The following FMNL2 variants were observed in gnomAD, a reference collection of about 807,000 sequenced individuals.
FMNL2 encodes formin like 2.
FMNL2 carries 51 observed loss-of-function variants against 130.2 expected under a neutral mutation model. That is an observed-to-expected ratio of 0.39 (90% CI 0.31 to 0.49). The LOEUF (loss-of-function observed/expected upper bound fraction) is 0.49, where lower values mean the gene tolerates loss of function less well. Ranked by LOEUF, FMNL2 falls within the 20% of genes least tolerant of loss-of-function variation. The probability of loss-of-function intolerance (pLI) is 0.85; values close to 1 mark genes in which losing one functional copy is unlikely to be tolerated. For missense variants in FMNL2, 977 were observed against 1,316.2 expected (o/e 0.74, Z 3.99); for synonymous variants, 465 against 467.1 (o/e 1.00, Z 0.06).
At chr2:152,558,512 A>C (rs1219173186) in intron 4 of FMNL2, among the ~76,000 whole-genome samples, 1 of 152,188 alleles carries the variant, frequency 6.6e-6, no homozygotes, top group East Asian at 1.9e-4. Context: ...AAGATGGCCC[A>C]CGTGTACTTT....
chr2:152,595,073 G>A (rs1697687022), intron 9 of FMNL2, among the ~76,000 whole-genome samples: 1 of 152,010 alleles, frequency 6.6e-6, no homozygotes, highest in Admixed American at 6.6e-5. Flanking sequence ...TTTTGGCAGT[G>A]GAAAATAAGG....
chr2:152,519,080 G>T (rs1350297691), intron 1 of FMNL2, among the ~76,000 whole-genome samples: 5 of 152,024 alleles, frequency 3.3e-5, no homozygotes, highest in African/African-American at 1.2e-4. Flanking sequence ...GCTAATTCCT[G>T]CCTTTGAGGC....
At chr2:152,587,889 C>T (rs1025998619) in intron 9 of FMNL2, among the ~76,000 whole-genome samples, 6 of 152,174 alleles carry the variant, frequency 3.9e-5, no homozygotes, top group African/African-American at 1.2e-4. Context: ...ATAAATACTT[C>T]GACAGTTGTA....
At chr2:152,375,894 T>TATAC (rs1553872003) in intron 1 of FMNL2, among the ~76,000 whole-genome samples, 9 of 146,112 alleles carry the variant, frequency 6.2e-5, no homozygotes, top group Non-Finnish European at 1.2e-4. Flanking sequence ...TATATATATA[T>TATAC]ATAATTATTA....
intron 21 of FMNL2, 32 bp from the exon 22 acceptor site, chr2:152,636,395 A>T: frequency 1.3e-6 from 2 of 1,590,884 alleles, no homozygotes; most frequent in Non-Finnish European, 1.7e-6. Context: ...TTCCCCATTG[A>T]GTTTCACTGG....
intron 25 of FMNL2, among the ~76,000 whole-genome samples, chr2:152,644,366 A>C (rs747581203): frequency 6.6e-6 from 1 of 152,190 alleles, no homozygotes; most frequent in Non-Finnish European, 1.5e-5. Flanking sequence ...GAAGTGCTCT[A>C]AAGTGCAAAA....
chr2:152,527,711 T>C (rs1225458759), intron 2 of FMNL2, among the ~76,000 whole-genome samples: 3 of 152,156 alleles, frequency 2.0e-5, no homozygotes, highest in Admixed American at 2.0e-4. Flanking sequence ...CAATGTGATA[T>C]TATTTTTGAG....
At chr2:152,395,619 T>C (rs757416162) in intron 1 of FMNL2, among the ~76,000 whole-genome samples, 1 of 152,230 alleles carries the variant, frequency 6.6e-6, no homozygotes, top group Non-Finnish European at 1.5e-5. Flanking sequence ...CTTAGAATTT[T>C]TGTTCAACTT....
At chr2:152,621,706 AT>A (rs1348728022) in intron 15 of FMNL2, among the ~76,000 whole-genome samples, 3 of 152,176 alleles carry the variant, frequency 2.0e-5, no homozygotes, top group Non-Finnish European at 4.4e-5. Context: ...TTTCTTTATT[AT>A]TCATCCTTAT....
At chr2:152,596,405 A>G (rs73010180) in intron 9 of FMNL2, among the ~76,000 whole-genome samples, 3,020 of 152,262 alleles carry the variant, frequency 0.02, 97 homozygotes, top group African/African-American at 0.069. Flanking sequence ...TTCCCAAACA[A>G]TCTTGCAAGG....
chr2:152,390,635 G>T (rs1390582599), intron 1 of FMNL2: 1 of 930,816 alleles, frequency 1.1e-6, no homozygotes, highest in Non-Finnish European at 1.8e-6. Context: ...AATTCAACTA[G>T]CCCGTGCTTT....
At chr2:152,607,440 C>G (rs747462149) in intron 10 of FMNL2, 27 bp downstream of exon 10, 2 of 1,504,032 alleles carry the variant, frequency 1.3e-6, no homozygotes, top group African/African-American at 2.8e-5. Context: ...TTCAATAAAG[C>G]AAACTCAGTT....
intron 1 of FMNL2, among the ~76,000 whole-genome samples, chr2:152,402,368 T>C (rs763655497): frequency 6.6e-6 from 1 of 152,192 alleles, no homozygotes; most frequent in Non-Finnish European, 1.5e-5. Context: ...CCTGCTGTTT[T>C]TGGGGAGCGG....
Position 152,578,967 on chromosome 2 carries a change from A to G in FMNL2, c.782+3A>G. 6.2e-7 allele frequency: 1 copy of G among 1,612,228 alleles called. No individual in the cohort carries two copies. Among genetic ancestry groups the G allele is most frequent in the Non-Finnish European group, 8.5e-7 (1 of 1,178,728 alleles). On this transcript the variant is annotated splice_donor_region_variant and intron_variant, in intron 8 of 25. Coordinates refer to ENST00000288670, the MANE Select transcript of FMNL2 (RefSeq NM_052905.4). Reference sequence around the variant, plus strand: ...AGCCTGAACAACAAGAATCCCAGGTAAGCTGCTTTTGTAGTACGCAAGTCT... The same window carrying G: ...AGCCTGAACAACAAGAATCCCAGGTGAGCTGCTTTTGTAGTACGCAAGTCT...
chr2:152,366,034 A>G (rs1041814154), intron 1 of FMNL2, among the ~76,000 whole-genome samples: 1 of 152,262 alleles, frequency 6.6e-6, no homozygotes, highest in East Asian at 1.9e-4. Flanking sequence ...TTCAGAAGTC[A>G]TGGATCCCAG....
intron 25 of FMNL2, chr2:152,644,061 C>A: frequency 4.3e-6 from 1 of 234,282 alleles, no homozygotes; most frequent in Non-Finnish European, 7.0e-6. Flanking sequence ...GAAGCCCCAT[C>A]TTTACAAAAA....
At chr2:152,571,640 C>G (rs547733814) in intron 6 of FMNL2, among the ~76,000 whole-genome samples, 19 of 152,300 alleles carry the variant, frequency 1.2e-4, no homozygotes, top group Admixed American at 5.9e-4. Flanking sequence ...AAAGCTCAGG[C>G]CTTTGTAGAA....
chr2:152,373,077 T>A (rs1439570310), intron 1 of FMNL2, among the ~76,000 whole-genome samples: 1 of 150,906 alleles, frequency 6.6e-6, no homozygotes, highest in Admixed American at 6.6e-5. Context: ...TTGGAACTAA[T>A]CATTTCATCT....
At chr2:152,489,110 T>TG (rs1339298455) in intron 1 of FMNL2, among the ~76,000 whole-genome samples, 1 of 152,232 alleles carries the variant, frequency 6.6e-6, no homozygotes, top group African/African-American at 2.4e-5. Context: ...TGGGAGAATC[T>TG]GTTCAGCATC....
Sources: allele counts gnomAD v4.1 joint callset (sites outside exome capture counted in the v4.1 genomes callset), GRCh38; gene constraint gnomAD v4.1.1; transcripts MANE v1.5; gene names NCBI Gene and HGNC (gene_info 2026-07-23, HGNC 2026-07-21).